The following ARHGEF17 variants were observed in gnomAD, a reference collection of about 807,000 sequenced individuals.
The protein encoded by ARHGEF17 is Rho guanine nucleotide exchange factor 17, also known as 164 kDa Rho-specific guanine-nucleotide exchange factor.
Under a neutral mutation model 174.0 loss-of-function variants are expected in ARHGEF17, and 80 were observed. That is an observed-to-expected ratio of 0.46 (90% CI 0.38 to 0.55). The LOEUF (loss-of-function observed/expected upper bound fraction) is 0.55. Ranked by LOEUF, ARHGEF17 falls within the 20% of genes least tolerant of loss-of-function variation. The pLI, the probability that ARHGEF17 is intolerant of heterozygous loss-of-function variation, is 0.00. For synonymous variants in ARHGEF17, 1,311 were observed against 1,189.1 expected (o/e 1.10, Z -2.11); for missense variants, 2,886 against 2,839.7 (o/e 1.02, Z -0.37).
At chr11:73,320,488 T>A (rs1004268847) in intron 1 of ARHGEF17, among the ~76,000 whole-genome samples, 2 of 150,140 alleles carry the variant, frequency 1.3e-5, no homozygotes, top group African/African-American at 4.9e-5. Flanking sequence ...AAAAAAAAAA[T>A]TAGCAGGGCG....
intron 17 of ARHGEF17, 72 bp from the exon 18 acceptor site, chr11:73,364,380 C>T (rs1368977352): frequency 4.4e-6 from 7 of 1,608,556 alleles, no homozygotes; most frequent in Non-Finnish European, 5.9e-6. Flanking sequence ...ATGTTAACAT[C>T]TCATTTCAGG....
intron 14 of ARHGEF17, among the ~76,000 whole-genome samples, 173 bp from the exon 15 acceptor site, chr11:73,363,033 G>A (rs1389713961): frequency 1.3e-5 from 2 of 152,234 alleles, no homozygotes; most frequent in Non-Finnish European, 2.9e-5. Context: ...ATTCTGTAGT[G>A]CTGAGCTGTC....
At chr11:73,323,904 C>A (rs1865059522) in intron 1 of ARHGEF17, among the ~76,000 whole-genome samples, 1 of 152,208 alleles carries the variant, frequency 6.6e-6, no homozygotes, top group South Asian at 2.1e-4. Flanking sequence ...GCCACTCGCA[C>A]CAGGACTTCC....
intron 2 of ARHGEF17, among the ~76,000 whole-genome samples, chr11:73,349,918 G>A (rs1865525724): frequency 6.6e-6 from 1 of 152,172 alleles, no homozygotes; most frequent in Non-Finnish European, 1.5e-5. Context: ...TCTGGCTCCA[G>A]GTCAGGAGTA....
In ARHGEF17 at chr11:73,339,386, T is replaced by A. The variant is rs181234873; in HGVS notation, c.3193-7497T>A. On this transcript the variant is annotated intron_variant, in intron 1 of 20. Transcript: ENST00000263674. Reference sequence around the variant, plus strand: ...GTATTCATGACTGTCATTGATCTGTTCATCCATTAATTTATTATTTATTCA... The same window carrying A: ...GTATTCATGACTGTCATTGATCTGTACATCCATTAATTTATTATTTATTCA... 1.3e-3 allele frequency among the ~76,000 whole-genome samples: 205 copies of A among 152,378 alleles called. 1 individual carries two copies. Among genetic ancestry groups the A allele is most frequent in the Non-Finnish European group, 1.0e-4 (7 of 68,040 alleles).
chr11:73,311,393 C>T lies in ARHGEF17; in HGVS notation c.2755C>T (p.Arg919Cys), dbSNP rs771434898. The T allele has an allele frequency of 8.0e-5, 129 of 1,613,314 alleles. 1 individual carries two copies. In the Admixed American group the frequency reaches 1.2e-3, roughly 16 times the overall value. ...LADILSPRLI[R>C]RGSKKRPARS... ...TGACATTCTGTCCCCGAGGCTAATC[C>T]GCCGAGGCTCCAAGAAGCGCCCAGC... The change falls in exon 1 of 21, where the codon CGC becomes TGC. Residue 919 changes from arginine to cysteine, a missense_variant. Arg to Cys is a radical substitution (Grantham distance 180). Around this residue, in one of 4 missense-constraint regions of ARHGEF17, gnomAD observed 1,728 missense variants for 1,461.2 expected, o/e 1.18. Coordinates refer to ENST00000263674, the MANE Select transcript of ARHGEF17 (RefSeq NM_014786.4).
At chr11:73,364,296 C>G (rs1008895406) in intron 17 of ARHGEF17, 57 bp downstream of exon 17, 3 of 1,604,538 alleles carry the variant, frequency 1.9e-6, no homozygotes, top group South Asian at 1.1e-5. Context: ...TGTTGGGGCT[C>G]TCTCCTGGAG....
intron 2 of ARHGEF17, among the ~76,000 whole-genome samples, chr11:73,351,908 G>A (rs541544373): frequency 5.9e-5 from 9 of 152,246 alleles, no homozygotes; most frequent in Non-Finnish European, 1.0e-4. Flanking sequence ...AACTGACTAC[G>A]AGATTTCCAT....
At chr11:73,342,996 C>T in intron 1 of ARHGEF17, 1 of 231,818 alleles carries the variant, frequency 4.3e-6, no homozygotes, top group Non-Finnish European at 8.4e-6. Flanking sequence ...CTGGAACTGA[C>T]CACCGCGACC....
chr11:73,367,450 A>G (rs181912547), intron 20 of ARHGEF17, 134 bp from the exon 21 acceptor site: 2 of 695,994 alleles, frequency 2.9e-6, no homozygotes, highest in African/African-American at 3.6e-5. Context: ...CCTAGCTAAC[A>G]GAAAGTGGGA....
chr11:73,364,240 G>A lies in ARHGEF17; in HGVS notation c.5401+1G>A. 1 of 1,614,012 alleles carries A rather than the reference G, an allele frequency of 6.2e-7. No homozygotes were observed. Among genetic ancestry groups the A allele is most frequent in the African/African-American group, 1.3e-5 (1 of 75,030 alleles). ...CTTGTGGTCTACCAAAGGGAAGCAG[G>A]TGAGTATCTGCCCTCCCCCACACCC... On this transcript the variant is annotated splice_donor_variant, in intron 17 of 20. Transcript: ENST00000263674. LOFTEE classifies it high-confidence loss of function.
chr11:73,343,152 ATGG>A, intron 1 of ARHGEF17: 1 of 374,404 alleles, frequency 2.7e-6, no homozygotes, highest in Non-Finnish European at 4.7e-6. Context: ...CATGCTGCAG[ATGG>A]TGAAGACCCT....
At chr11:73,345,759 G>A (rs977607823) in intron 1 of ARHGEF17, among the ~76,000 whole-genome samples, 4 of 152,332 alleles carry the variant, frequency 2.6e-5, no homozygotes, top group Admixed American at 6.5e-5. Flanking sequence ...AGGCCAAGCC[G>A]AGACCTGGGA....
intron 1 of ARHGEF17, among the ~76,000 whole-genome samples, chr11:73,320,239 G>A (rs1864994217): frequency 6.6e-6 from 1 of 152,028 alleles, no homozygotes; most frequent in African/African-American, 2.4e-5. Flanking sequence ...CTGTCTCCCC[G>A]CACGCTGGCT....
In ARHGEF17 at chr11:73,317,016, G is replaced by GTT. The variant is rs537466977; in HGVS notation, c.3192+5186_3192+5187insTT. Among the ~76,000 whole-genome samples, 432 of 152,300 alleles carry GTT rather than the reference G, an allele frequency of 2.8e-3. 2 individuals carry two copies. The highest frequency in any genetic ancestry group is 9.9e-3 in the African/African-American group (410 of 41,558). On this transcript the variant is annotated intron_variant, in intron 1 of 20. Coordinates refer to ENST00000263674, the MANE Select transcript of ARHGEF17 (RefSeq NM_014786.4). ...GACCCCAATGTTCAAGGTGAACACAGAGCTACAACTTCTCACATGGCTGGG... is the reference window on the plus strand; with the variant it reads ...GACCCCAATGTTCAAGGTGAACACAGTTAGCTACAACTTCTCACATGGCTGGG...
At position 73,356,191 on chromosome 11, in the gene ARHGEF17, C is replaced by T; in HGVS notation, c.3680C>T (p.Thr1227Ile). 2 of 1,613,914 alleles carry T rather than the reference C, an allele frequency of 1.2e-6. No individual in the cohort carries two copies. The highest frequency in any genetic ancestry group is 8.5e-7 in the Non-Finnish European group (1 of 1,180,006). Residue 1227 changes from threonine to isoleucine, a missense_variant, in exon 6 of 21, where the codon ACA becomes ATA. Thr to Ile is a moderately conservative substitution (Grantham distance 89). This residue lies in a region of ARHGEF17 where 353 missense variants were observed against 470.3 expected (regional missense o/e 0.75). Transcript: ENST00000263674. ...ELLVKDLLKHTPEDHPDHPLL... is the reference protein window; with the variant it reads ...ELLVKDLLKHIPEDHPDHPLL... ...CCACCCCAGGACCTCCTGAAGCATA[C>T]ACCTGAGGACCACCCGGACCATCCA...
chr11:73,364,259 C>G lies in ARHGEF17; in HGVS notation c.5401+20C>G, dbSNP rs750192866. 3 of 1,613,686 alleles carry G rather than the reference C, an allele frequency of 1.9e-6. No homozygotes were observed. Among genetic ancestry groups the G allele is most frequent in the Non-Finnish European group, 2.5e-6 (3 of 1,179,636 alleles). On this transcript the variant is annotated intron_variant, in intron 17 of 20. Coordinates refer to ENST00000263674, the MANE Select transcript of ARHGEF17 (RefSeq NM_014786.4). ...AAGCAGGTGAGTATCTGCCCTCCCC[C>G]ACACCCTGCCCCTGTCCCCTTACTG...
In ARHGEF17 at chr11:73,309,950, G is replaced by A. The variant is rs1474345136; in HGVS notation, c.1312G>A (p.Gly438Arg). The A allele has an allele frequency of 1.2e-6, 2 of 1,613,814 alleles. No individual in the cohort carries two copies. Among genetic ancestry groups the A allele is most frequent in the South Asian group, 2.2e-5 (2 of 91,086 alleles). Residue 438 changes from glycine to arginine, a missense_variant, in exon 1 of 21, where the codon GGA becomes AGA. This residue lies in a region of ARHGEF17 where 1,728 missense variants were observed against 1,461.2 expected (regional missense o/e 1.18). Transcript: ENST00000263674. ...GTCCCAGGCTCGAACCCGTGCCAAAGGACCTGGAGGCACCTCTAGGGCATT... is the reference window on the plus strand; with the variant it reads ...GTCCCAGGCTCGAACCCGTGCCAAAAGACCTGGAGGCACCTCTAGGGCATT... ...LRSQARTRAKGPGGTSRALRD... is the reference protein window; with the variant it reads ...LRSQARTRAKRPGGTSRALRD...
At chr11:73,350,689 T>C (rs11823923) in intron 2 of ARHGEF17, among the ~76,000 whole-genome samples, 48,674 of 152,048 alleles carry the variant, frequency 0.32, 10,648 homozygotes, top group African/African-American at 0.63. Context: ...CCTTCCTCAG[T>C]GTCACCCTCA....
Sources: gnomAD v4.1 joint callset for allele counts (sites outside exome capture counted in the v4.1 genomes callset) on GRCh38, gnomAD v4.1.1 for gene constraint, gnomAD v4.1.1 regional missense constraint, MANE v1.5 for transcripts, NCBI Gene and HGNC (gene_info 2026-07-23, HGNC 2026-07-21) for gene names.